Variants in SLC22A4 observed in about 807,000 individuals in gnomAD.
SLC22A4 encodes solute carrier family 22 member 4, also known as ET transporter.
SLC22A4 carries 39 observed loss-of-function variants against 56.6 expected under a neutral mutation model. That is an observed-to-expected ratio of 0.69 (90% confidence interval 0.53 to 0.90). The LOEUF (loss-of-function observed/expected upper bound fraction) is 0.90. Among genes scored for constraint, SLC22A4 ranks in the 40% least tolerant of loss-of-function variants. SLC22A4 has a pLI of 0.00. For synonymous variants in SLC22A4, 241 were observed against 281.4 expected (o/e 0.86, Z 1.44); for missense variants, 594 against 696.5 (o/e 0.85, Z 1.66).
Position 132,343,841 on chromosome 5 carries a change from T to C in SLC22A4, c.*6T>C. 2 of 1,564,724 alleles carry C rather than the reference T, an allele frequency of 1.3e-6. No homozygotes were observed. Among genetic ancestry groups the C allele is most frequent in the Non-Finnish European group, 1.8e-6 (2 of 1,137,198 alleles). ...TTCTAATAACTGCATTCTGAAAAAATATCTACCCCATTTGGTGAAGTGAAA... is the reference window on the plus strand; with the variant it reads ...TTCTAATAACTGCATTCTGAAAAAACATCTACCCCATTTGGTGAAGTGAAA... On this transcript the variant is annotated 3_prime_UTR_variant, in exon 10 of 10. Transcript: ENST00000200652.
At chr5:132,304,342 C>T (rs1385756762) in intron 1 of SLC22A4, among the ~76,000 whole-genome samples, 1 of 152,152 alleles carries the variant, frequency 6.6e-6, no homozygotes, top group Non-Finnish European at 1.5e-5. Context: ...ATCAGACTGG[C>T]GTGGTGGCTC....
chr5:132,315,335 GT>G (rs1312553525), intron 3 of SLC22A4, among the ~76,000 whole-genome samples: 6 of 152,184 alleles, frequency 3.9e-5, no homozygotes, highest in African/African-American at 1.4e-4. Context: ...AGGGTAGAGA[GT>G]CACGGTGAAG....
chr5:132,324,635 C>A (rs1251280442), intron 4 of SLC22A4: 1 of 467,834 alleles, frequency 2.1e-6, no homozygotes, highest in Non-Finnish European at 4.4e-6. Flanking sequence ...AACATCCCAT[C>A]CTTGCAGGTG....
In SLC22A4 at chr5:132,335,956, C is replaced by A; in HGVS notation, c.1400C>A (p.Ala467Asp). 1 of 1,614,150 alleles carries A rather than the reference C, an allele frequency of 6.2e-7. No individual in the cohort carries two copies. Among genetic ancestry groups the A allele is most frequent in the Non-Finnish European group, 8.5e-7 (1 of 1,180,014 alleles). The change falls in exon 8 of 10, where the codon GCC becomes GAC. Residue 467 changes from alanine to aspartate, a missense_variant. Ala to Asp is a moderately radical substitution (Grantham distance 126, BLOSUM62 -2). Coordinates refer to ENST00000200652, the MANE Select transcript of SLC22A4 (RefSeq NM_003059.3). ...ATGGCGGTGGGGGTCACATCCACGG[C>A]CTCCAGAGTGGGCAGCATCATTGCC... is the stretch of plus-strand genomic sequence containing the variant. The part of the protein sequence containing the change: ...RNMAVGVTST[A>D]SRVGSIIAPY...
At chr5:132,315,568 A>G (rs3792884) in intron 3 of SLC22A4, among the ~76,000 whole-genome samples, 11,722 of 152,202 alleles carry the variant, frequency 0.077, 592 homozygotes, top group South Asian at 0.15. Flanking sequence ...CTCTGACACT[A>G]TCATCTACTC....
At chr5:132,339,748 T>G (rs931127577) in intron 8 of SLC22A4, among the ~76,000 whole-genome samples, 4 of 152,130 alleles carry the variant, frequency 2.6e-5, no homozygotes, top group African/African-American at 9.7e-5. Context: ...AGTCTCCTAC[T>G]CCACACAGCT....
At position 132,294,723 on chromosome 5, in the gene SLC22A4, G is replaced by A. The variant is rs926936998; in HGVS notation, c.107G>A (p.Gly36Asp). 15 of 1,614,092 alleles carry A rather than the reference G, an allele frequency of 9.3e-6. No homozygotes were observed. The highest frequency in any genetic ancestry group is 1.3e-5 in the Non-Finnish European group (15 of 1,180,028). The change falls in exon 1 of 10, where the codon GGT (glycine) becomes GAT (aspartate). Residue 36 changes from glycine to aspartate, a missense_variant. By Grantham distance (94) the Gly-to-Asp change is moderately conservative (BLOSUM62 -1). Transcript: ENST00000200652. This position sits in a 1 kb window ranked among gnomAD's most constrained non-coding sequence, Gnocchi z 5.6. Reference sequence around the variant, plus strand: ...AGCATCATCCCCAATGGCTTCAATGGTATGTCAGTCGTGTTCCTGGCGGGG... The same window carrying A: ...AGCATCATCCCCAATGGCTTCAATGATATGTCAGTCGTGTTCCTGGCGGGG... ...SASIIPNGFN[G>D]MSVVFLAGTP...
At chr5:132,335,195 C>T (rs551134559) in intron 7 of SLC22A4, among the ~76,000 whole-genome samples, 80 of 152,298 alleles carry the variant, frequency 5.3e-4, no homozygotes, top group African/African-American at 1.9e-3. Context: ...AAAGACTCAC[C>T]TAACATCTCC....
At chr5:132,320,007 G>A (rs1750482822) in intron 3 of SLC22A4, among the ~76,000 whole-genome samples, 1 of 152,184 alleles carries the variant, frequency 6.6e-6, no homozygotes, top group South Asian at 2.1e-4. Flanking sequence ...TGTGAAGATG[G>A]TGATCCTGTT....
chr5:132,339,648 C>T (rs1390506015), intron 8 of SLC22A4, among the ~76,000 whole-genome samples: 1 of 152,194 alleles, frequency 6.6e-6, no homozygotes, highest in Non-Finnish European at 1.5e-5. Context: ...TTATTTTTCC[C>T]TTTGTCCTTC....
chr5:132,318,385 T>A (rs1750426348), intron 3 of SLC22A4, among the ~76,000 whole-genome samples: 1 of 152,152 alleles, frequency 6.6e-6, no homozygotes, highest in Non-Finnish European at 1.5e-5. Flanking sequence ...CTTATCACAG[T>A]CACTCTAGTA....
At chr5:132,299,677 C>T (rs1183179887) in intron 1 of SLC22A4, among the ~76,000 whole-genome samples, 1 of 152,144 alleles carries the variant, frequency 6.6e-6, no homozygotes, top group Non-Finnish European at 1.5e-5. Context: ...TGGTCTCGAA[C>T]TCCTGACCTA....
chr5:132,340,060 GTTGTTTT>G (rs1192345729), intron 8 of SLC22A4, among the ~76,000 whole-genome samples: 13 of 110,978 alleles, frequency 1.2e-4, no homozygotes, highest in Admixed American at 2.1e-4. Flanking sequence ...ATAATACTTA[GTTGTTTT>G]TTTTTTTTTT....
At chr5:132,341,904 G>A (rs1310410010) in intron 9 of SLC22A4, among the ~76,000 whole-genome samples, 3 of 151,844 alleles carry the variant, frequency 2.0e-5, no homozygotes, top group Non-Finnish European at 4.4e-5. Context: ...CCGAAATCGC[G>A]CCACTACACT....
chr5:132,315,066 T>C (rs370536496), intron 3 of SLC22A4, among the ~76,000 whole-genome samples: 72 of 152,080 alleles, frequency 4.7e-4, no homozygotes, highest in African/African-American at 1.7e-3. Context: ...AAACTGGAGG[T>C]TGGAGGAACT....
rs755211537 is a variant in SLC22A4 at position 132,331,861 on chromosome 5, A to C, written c.1046+11A>C. 1.5e-5 allele frequency: 23 copies of C among 1,536,368 alleles called. No homozygotes were observed. The Admixed American group carries it at 3.2e-4, about 21-fold the overall frequency. Reference sequence around the variant, plus strand: ...GTCTTTGCTGCTATGGTAAGTAATAAGTGACCTGGAAATGCAGATATCCAG... The same window carrying C: ...GTCTTTGCTGCTATGGTAAGTAATACGTGACCTGGAAATGCAGATATCCAG... On this transcript the variant is annotated intron_variant, in intron 6 of 9. Coordinates refer to ENST00000200652, the MANE Select transcript of SLC22A4 (RefSeq NM_003059.3).
rs1438726690 is a variant in SLC22A4, at chr5:132,343,769, T to C, written c.1590T>C (p.Ser530=). 6.2e-7 allele frequency: 1 copy of C among 1,602,678 alleles called. No homozygotes were observed. The highest frequency in any genetic ancestry group is 8.5e-7 in the Non-Finnish European group (1 of 1,169,964). ...TCTATTTTATTTTCAGGTTCAGATC[T>C]GGGAAAAAAACAAGAGACTCAATGG... ...EQMQKVKWFR[S]GKKTRDSMET... Residue 530 remains serine, a synonymous_variant, in exon 10 of 10, where the codon TCT becomes TCC. Transcript: ENST00000200652.
chr5:132,316,813 T>A (rs973676837), intron 3 of SLC22A4, among the ~76,000 whole-genome samples: 8 of 152,076 alleles, frequency 5.3e-5, no homozygotes, highest in Non-Finnish European at 7.3e-5. Flanking sequence ...ATATATATAT[T>A]TTTTACTGTT....
intron 9 of SLC22A4, among the ~76,000 whole-genome samples, chr5:132,340,995 T>G (rs272871): frequency 0.63 from 95,356 of 151,636 alleles, 30,799 homozygotes; most frequent in African/African-American, 0.74. Context: ...CAGTCACATG[T>G]AATCCCAGCT....
Sources: gnomAD v4.1 joint callset for allele counts (sites outside exome capture counted in the v4.1 genomes callset) on GRCh38, gnomAD v4.1.1 for gene constraint, Gnocchi (gnomAD v3.1) non-coding constraint, MANE v1.5 for transcripts, NCBI Gene and HGNC (gene_info 2026-07-23, HGNC 2026-07-21) for gene names.